The following SLC20A2 variants were observed in gnomAD, a reference collection of about 807,000 sequenced individuals.
SLC20A2 encodes the protein sodium-dependent phosphate transporter 2.
In SLC20A2, 30 loss-of-function variants were observed where a neutral mutation model predicts 61.0. The ratio of observed to expected loss-of-function variants is 0.49; its 90% CI spans 0.37 to 0.67. The LOEUF is 0.67. Among genes scored for constraint, SLC20A2 ranks in the 30% least tolerant of loss-of-function variants. The pLI, the probability that SLC20A2 is intolerant of heterozygous loss-of-function variation, is 0.00. For missense variants in SLC20A2, 626 were observed against 866.4 expected (o/e 0.72, Z 3.48); for synonymous variants, 351 against 353.3 (o/e 0.99, Z 0.07).
chr8:42,513,141 G>C (rs534199251), intron 1 of SLC20A2, among the ~76,000 whole-genome samples: 6 of 152,168 alleles, frequency 3.9e-5, no homozygotes, highest in Non-Finnish European at 8.8e-5. Context: ...GAGATGCATG[G>C]AGGAAAAAAA....
At chr8:42,433,678 A>C (rs909988200) in intron 8 of SLC20A2, among the ~76,000 whole-genome samples, 7 of 152,220 alleles carry the variant, frequency 4.6e-5, no homozygotes, top group Non-Finnish European at 1.5e-5. Context: ...ATGTTACAGC[A>C]AGTGACAGGA....
At chr8:42,443,182 C>T (rs1352430420) in intron 6 of SLC20A2, among the ~76,000 whole-genome samples, 2 of 140,180 alleles carry the variant, frequency 1.4e-5, no homozygotes, top group East Asian at 2.1e-4. Context: ...GTATATTATA[C>T]TATACAGTTA....
At chr8:42,509,716 T>C (rs1810924615) in intron 1 of SLC20A2, among the ~76,000 whole-genome samples, 2 of 152,130 alleles carry the variant, frequency 1.3e-5, no homozygotes, top group African/African-American at 4.8e-5. Context: ...ATTGTGCCAA[T>C]GCATTCCAGC....
At chr8:42,436,302 C>A (rs1351265428) in intron 8 of SLC20A2, among the ~76,000 whole-genome samples, 1 of 152,082 alleles carries the variant, frequency 6.6e-6, no homozygotes, top group African/African-American at 2.4e-5. Flanking sequence ...CGTACACGGC[C>A]GCTGCCTGCT....
rs545685822 is a variant in SLC20A2, at chr8:42,437,021, G to A, written c.1491C>T (p.Phe497=). ...FHFLQVLTAC[F]GSFAHGGNDV... The stretch of plus-strand genomic sequence containing the variant: ...CATTGCCGCCGTGAGCAAAGGACCC[G>A]AAACAGGCGGTGAGGACCTGCAGGA... The change falls in exon 8 of 11, where the codon TTC becomes TTT. Residue 497 remains phenylalanine (F), a synonymous_variant. Transcript: ENST00000520262. The surrounding 1 kb of genome is among the most constrained non-coding windows in gnomAD (Gnocchi z 6.4). The A allele has an allele frequency of 1.2e-6, 2 of 1,611,716 alleles. No individual in the cohort carries two copies. Among genetic ancestry groups the A allele is most frequent in the South Asian group, 1.1e-5 (1 of 90,678 alleles).
At chr8:42,432,632 G>A (rs576829771) in intron 8 of SLC20A2, among the ~76,000 whole-genome samples, 16 of 152,208 alleles carry the variant, frequency 1.1e-4, no homozygotes, top group South Asian at 4.2e-4. Flanking sequence ...TAATTGATGC[G>A]GCAAATTTCA....
At chr8:42,514,643 A>T (rs943482079) in intron 1 of SLC20A2, among the ~76,000 whole-genome samples, 1 of 152,004 alleles carries the variant, frequency 6.6e-6, no homozygotes, top group Non-Finnish European at 1.5e-5. Flanking sequence ...CTGTAATCCC[A>T]GCTACTTGGG....
At chr8:42,491,380 C>T (rs551575319) in intron 1 of SLC20A2, among the ~76,000 whole-genome samples, 3 of 152,266 alleles carry the variant, frequency 2.0e-5, no homozygotes, top group African/African-American at 7.2e-5. Context: ...TGGCACATGC[C>T]TGTAATCCCA....
At position 42,430,327 on chromosome 8, in the gene SLC20A2, T is replaced by C. The variant is rs1803752382; in HGVS notation, c.1524-78A>G. ...CATGATACAGGTGACTTTGTTTTAT[T>C]GTGCTTCACTTTATCACACTCCACA... is the stretch of plus-strand genomic sequence containing the variant. On this transcript the variant is annotated intron_variant, in intron 8 of 10. Transcript: ENST00000520262. 4.1e-6 allele frequency: 5 copies of C among 1,216,918 alleles called. No individual in the cohort carries two copies. The Admixed American group carries it at 1.3e-4, about 31-fold the overall frequency. The allele number at this position is 1,216,918 out of a possible 1,614,324, so 75.4% of individuals were successfully genotyped here. A position where few individuals can be genotyped will look rare whatever the true frequency, so the allele number is the denominator to read the frequency against.
At chr8:42,532,758 G>A (rs897650347) in intron 1 of SLC20A2, among the ~76,000 whole-genome samples, 1 of 152,200 alleles carries the variant, frequency 6.6e-6, no homozygotes, top group Non-Finnish European at 1.5e-5. Context: ...AGACACACGG[G>A]AGACCAAGGC....
intron 1 of SLC20A2, among the ~76,000 whole-genome samples, chr8:42,516,499 C>T (rs778867726): frequency 5.3e-5 from 8 of 152,142 alleles, no homozygotes; most frequent in South Asian, 2.1e-4. Flanking sequence ...TCTAGGGCAG[C>T]GCATCCTATT....
intron 1 of SLC20A2, among the ~76,000 whole-genome samples, chr8:42,527,395 A>ACT (rs1812039626): frequency 1.3e-5 from 2 of 151,592 alleles, no homozygotes; most frequent in African/African-American, 4.9e-5. Context: ...AAAAAAAAAG[A>ACT]AACTAGATGT....
chr8:42,533,683 G>T (rs1812519454), intron 1 of SLC20A2, among the ~76,000 whole-genome samples: 1 of 39,614 alleles, frequency 2.5e-5, no homozygotes. Flanking sequence ...TTTTGAGACG[G>T]GAGTCTTACT....
intron 1 of SLC20A2, among the ~76,000 whole-genome samples, chr8:42,532,828 G>T (rs1445742883): frequency 6.6e-6 from 1 of 152,172 alleles, no homozygotes; most frequent in East Asian, 1.9e-4. Flanking sequence ...GACCACAGGC[G>T]AGGGTGAAGT....
rs547286042 is a variant in SLC20A2 at position 42,511,877 on chromosome 8, C to A, written c.-265+29944G>T. 1.5e-3 allele frequency among the ~76,000 whole-genome samples: 234 copies of A among 152,038 alleles called. 1 individual carries two copies. The highest frequency in any genetic ancestry group is 7.3e-3 in the South Asian group (35 of 4,796). ...TGATAAGCAAAAAACAAACAAAAAA[C>A]CCCACCAAAAAAACCATAAAACCAA... On this transcript the variant is annotated intron_variant, in intron 1 of 10. Transcript: ENST00000342228.
chr8:42,503,614 CTATTAA>C (rs1810454556), upstream of SLC20A2, among the ~76,000 whole-genome samples: 1 of 152,044 alleles, frequency 6.6e-6, no homozygotes, highest in African/African-American at 2.4e-5. Flanking sequence ...ATCATAAAAA[CTATTAA>C]TGAGATATCT....
chr8:42,495,752 C>CT (rs869049452), intron 1 of SLC20A2, among the ~76,000 whole-genome samples: 3,226 of 145,150 alleles, frequency 0.022, 40 homozygotes, highest in Middle Eastern at 0.047. Flanking sequence ...ATCCCTCCCC[C>CT]TTTTTTTTTT....
intron 6 of SLC20A2, 114 bp from the exon 7 acceptor site, chr8:42,439,767 A>G: frequency 1.2e-6 from 1 of 810,160 alleles, no homozygotes; most frequent in Non-Finnish European, 1.9e-6. Context: ...TTGGAAACAA[A>G]AAAAAAAGTT....
chr8:42,419,642 C>G, intron 10 of SLC20A2: 4 of 847,794 alleles, frequency 4.7e-6, no homozygotes, highest in Non-Finnish European at 5.7e-6. Context: ...CAAGGAAGAG[C>G]TCTTTCCTCT....
Sources: allele counts gnomAD v4.1 joint callset (sites outside exome capture counted in the v4.1 genomes callset), GRCh38; gene constraint gnomAD v4.1.1; non-coding constraint Gnocchi (gnomAD v3.1); transcripts MANE v1.5; gene names NCBI Gene and HGNC (gene_info 2026-07-23, HGNC 2026-07-21).